The following TENM4 variants were observed in gnomAD, a reference collection of about 807,000 sequenced individuals.
TENM4 encodes the protein teneurin-4.
A neutral mutation model predicts 243.3 loss-of-function variants in TENM4; 82 were observed. That is an observed-to-expected ratio of 0.34 (90% CI 0.28 to 0.40). TENM4 has a LOEUF of 0.40. Ranked by LOEUF, TENM4 falls within the 10% of genes least tolerant of loss-of-function variation. The pLI, the probability that TENM4 is intolerant of heterozygous loss-of-function variation, is 1.00. For missense variants in TENM4, 3,138 were observed against 3,673.3 expected (o/e 0.85, Z 3.77); for synonymous variants, 1,412 against 1,456.3 (o/e 0.97, Z 0.69).
intron 6 of TENM4, among the ~76,000 whole-genome samples, chr11:78,941,565 C>T (rs918265546): frequency 6.6e-6 from 1 of 151,428 alleles, no homozygotes; most frequent in African/African-American, 2.4e-5. Flanking sequence ...GGCTCGGAGG[C>T]AGGAAGGCAA....
chr11:79,378,356 C>A (rs471234), intron 1 of TENM4, among the ~76,000 whole-genome samples: 69,430 of 152,128 alleles, frequency 0.46, 15,707 homozygotes, highest in African/African-American at 0.48. Flanking sequence ...GGGGATCACG[C>A]TCCTGACAGG....
At chr11:79,395,443 C>T (rs1858322991) in intron 1 of TENM4, among the ~76,000 whole-genome samples, 1 of 152,204 alleles carries the variant, frequency 6.6e-6, no homozygotes, top group Non-Finnish European at 1.5e-5. Flanking sequence ...TGGACAAGAA[C>T]TTGCCACCAG....
At chr11:79,049,889 G>T (rs979639025) in intron 6 of TENM4, among the ~76,000 whole-genome samples, 11 of 152,194 alleles carry the variant, frequency 7.2e-5, no homozygotes, top group Non-Finnish European at 1.3e-4. Flanking sequence ...ACTCTTGGAA[G>T]CTTTTGCCCG....
chr11:78,719,971 C>T (rs1379249962), intron 25 of TENM4, among the ~76,000 whole-genome samples: 1 of 152,210 alleles, frequency 6.6e-6, no homozygotes, highest in East Asian at 1.9e-4. Flanking sequence ...TGAAATCTGT[C>T]TTCTTCCAGA....
chr11:78,761,308 C>T (rs1783951), intron 18 of TENM4, among the ~76,000 whole-genome samples: 15 of 151,624 alleles, frequency 9.9e-5, no homozygotes, highest in African/African-American at 2.7e-4. Flanking sequence ...GGCGTGATCT[C>T]GGCTCACTGC....
chr11:79,283,402 G>T (rs1281040326), intron 2 of TENM4, among the ~76,000 whole-genome samples: 1 of 151,828 alleles, frequency 6.6e-6, no homozygotes, highest in Non-Finnish European at 1.5e-5. Flanking sequence ...ATTCAAGGTC[G>T]GTTTAACATA....
chr11:78,977,182 T>A (rs1026115407), intron 6 of TENM4, among the ~76,000 whole-genome samples: 5 of 152,210 alleles, frequency 3.3e-5, no homozygotes, highest in African/African-American at 1.2e-4. Context: ...TATCATCACA[T>A]GTGTGCTCCC....
intron 6 of TENM4, among the ~76,000 whole-genome samples, chr11:78,967,449 G>T (rs543733906): frequency 6.6e-6 from 1 of 152,312 alleles, no homozygotes; most frequent in African/African-American, 2.4e-5. Flanking sequence ...TAATTGGGGA[G>T]TCATGGAAAT....
chr11:79,177,152 A>T (rs945339672), intron 3 of TENM4, among the ~76,000 whole-genome samples: 2 of 151,814 alleles, frequency 1.3e-5, no homozygotes, highest in African/African-American at 2.4e-5. Flanking sequence ...TTTTCAAAGC[A>T]GTGGAAACTT....
chr11:79,097,294 T>C (rs1453581688), intron 4 of TENM4: 1 of 152,232 alleles, frequency 6.6e-6, no homozygotes, highest in African/African-American at 2.4e-5. Context: ...TTTCCTTGGT[T>C]ATGTTTTCTA....
At chr11:78,948,063 G>A (rs1324107334) in intron 6 of TENM4, among the ~76,000 whole-genome samples, 1 of 152,134 alleles carries the variant, frequency 6.6e-6, no homozygotes, top group Non-Finnish European at 1.5e-5. Flanking sequence ...CTAAGTACAG[G>A]CACTCCCATT....
intron 3 of TENM4, among the ~76,000 whole-genome samples, chr11:79,177,846 C>A (rs954055870): frequency 3.9e-5 from 6 of 152,076 alleles, no homozygotes; most frequent in African/African-American, 1.2e-4. Flanking sequence ...TCAGGGTGGG[C>A]CCTGCTGTGA....
intron 4 of TENM4, among the ~76,000 whole-genome samples, chr11:79,077,580 C>G (rs1047553571): frequency 6.6e-6 from 1 of 152,098 alleles, no homozygotes; most frequent in East Asian, 1.9e-4. Flanking sequence ...ATATTTTATT[C>G]TCTACTTAAC....
At chr11:78,984,471 G>T (rs533116695) in intron 6 of TENM4, among the ~76,000 whole-genome samples, 186 of 152,260 alleles carry the variant, frequency 1.2e-3, no homozygotes, top group African/African-American at 4.4e-3. Flanking sequence ...ACTAAACTTT[G>T]AAAATCGGTA....
chr11:79,336,060 T>C (rs1227366466), intron 1 of TENM4, among the ~76,000 whole-genome samples: 1 of 130,770 alleles, frequency 7.6e-6, no homozygotes, highest in African/African-American at 3.0e-5. Flanking sequence ...AAGCTAAAGC[T>C]CAGGGGACTT....
chr11:78,825,139 C>T (rs1174767082), intron 12 of TENM4, among the ~76,000 whole-genome samples: 2 of 152,168 alleles, frequency 1.3e-5, no homozygotes, highest in Non-Finnish European at 2.9e-5. Flanking sequence ...TCCTTATTCT[C>T]GAGGAGCACT....
rs116381207 is a variant in TENM4, at chr11:78,736,143, G to T, written c.2876+2308C>A. Among the ~76,000 whole-genome samples the T allele has an allele frequency of 2.3e-3, 352 of 152,032 alleles. 3 individuals carry two copies. Among genetic ancestry groups the T allele is most frequent in the African/African-American group, 8.2e-3 (338 of 41,468 alleles). On this transcript the variant is annotated intron_variant, in intron 20 of 33. Transcript: ENST00000278550. ...AATTTTTGTATGTTTTTTTGATAGA[G>T]ACATGGTTTTGCCATGCTGCCTAGG...
At chr11:78,953,479 T>C (rs958499137) in intron 6 of TENM4, among the ~76,000 whole-genome samples, 4 of 152,174 alleles carry the variant, frequency 2.6e-5, no homozygotes, top group East Asian at 3.9e-4. Flanking sequence ...ATCTATTATA[T>C]AGCAATCACT....
chr11:78,668,255 T>G (rs181494080), intron 32 of TENM4, among the ~76,000 whole-genome samples: 81 of 152,332 alleles, frequency 5.3e-4, no homozygotes, highest in Non-Finnish European at 1.0e-3. Context: ...TTATCTCCAC[T>G]GTTGACTTAT....
Sources: gnomAD v4.1 joint callset for allele counts (sites outside exome capture counted in the v4.1 genomes callset) on GRCh38, gnomAD v4.1.1 for gene constraint, MANE v1.5 for transcripts, NCBI Gene and HGNC (gene_info 2026-07-23, HGNC 2026-07-21) for gene names.